WDR27: variants seen among roughly 807,000 people sequenced by gnomAD.
WDR27 encodes the protein WD repeat-containing protein 27.
WDR27 carries 100 observed loss-of-function variants against 114.4 expected under a neutral mutation model. The observed-to-expected ratio is 0.87, with a 90% CI of 0.74 to 1.03. WDR27 has a LOEUF of 1.03. WDR27 is among the 50% of genes least tolerant of loss of function. The probability of loss-of-function intolerance (pLI) is 0.00; values close to 1 mark genes in which losing one functional copy is unlikely to be tolerated. For synonymous variants in WDR27, 449 were observed against 423.1 expected (o/e 1.06, Z -0.75); for missense variants, 1,129 against 1,092.9 (o/e 1.03, Z -0.47).
intron 1 of WDR27, among the ~76,000 whole-genome samples, chr6:169,692,974 G>A (rs1313481150): frequency 2.0e-5 from 3 of 152,178 alleles, no homozygotes; most frequent in African/African-American, 4.8e-5. Context: ...TAACACAGCA[G>A]CTGATATTCT....
intron 25 of WDR27, among the ~76,000 whole-genome samples, chr6:169,520,421 T>C (rs1794225539): frequency 6.6e-6 from 1 of 152,162 alleles, no homozygotes; most frequent in Admixed American, 6.5e-5. Context: ...TAAACATATC[T>C]GATAAAAAAT....
At chr6:169,688,421 A>G (rs1783615752) in intron 2 of WDR27, among the ~76,000 whole-genome samples, 2 of 152,190 alleles carry the variant, frequency 1.3e-5, no homozygotes, top group South Asian at 4.1e-4. Context: ...TTACCTGAAC[A>G]TATTCATTTA....
intron 22 of WDR27, among the ~76,000 whole-genome samples, chr6:169,608,595 C>T (rs1343352909): frequency 6.6e-6 from 1 of 152,184 alleles, no homozygotes; most frequent in African/African-American, 2.4e-5. Flanking sequence ...ATGGGGGAAA[C>T]TGCCCACATG....
At chr6:169,642,485 C>T (rs1374036092) in intron 17 of WDR27, among the ~76,000 whole-genome samples, 1 of 152,170 alleles carries the variant, frequency 6.6e-6, no homozygotes, top group Non-Finnish European at 1.5e-5. Context: ...TCAGGGCTCC[C>T]AGGTGCACTG....
chr6:169,699,799 T>C (rs981550801), intron 1 of WDR27, among the ~76,000 whole-genome samples: 4 of 151,778 alleles, frequency 2.6e-5, no homozygotes, highest in African/African-American at 4.8e-5. Context: ...CTGGGCAACA[T>C]AGTGAGACCC....
At chr6:169,605,108 C>CAAAAAAAAAAAAAAAAAAAAAAAAAA (rs59884264) in intron 22 of WDR27, among the ~76,000 whole-genome samples, 1 of 76,192 alleles carries the variant, frequency 1.3e-5, no homozygotes, top group African/African-American at 5.9e-5. Flanking sequence ...AGCAATTAGG[C>CAAAAAAAAAAAAAAAAAAAAAAAAAA]AAAAAAAAAA....
At chr6:169,578,325 CTTCCAGAAAGTCCTCTTAT>C (rs1229672686) in intron 24 of WDR27, among the ~76,000 whole-genome samples, 1 of 152,218 alleles carries the variant, frequency 6.6e-6, no homozygotes, top group Admixed American at 6.5e-5. Context: ...ACGGGCTTAT[CTTCCAGAAAGTCCTCTTAT>C]GAATGTGAGA....
chr6:169,485,032 A>G (rs1237000468), intron 25 of WDR27, among the ~76,000 whole-genome samples: 1 of 152,222 alleles, frequency 6.6e-6, no homozygotes, highest in Non-Finnish European at 1.5e-5. Flanking sequence ...AAGATGGATT[A>G]AAAACTTAAA....
At chr6:169,564,094 T>C (rs902594688) in intron 25 of WDR27, among the ~76,000 whole-genome samples, 1 of 152,194 alleles carries the variant, frequency 6.6e-6, no homozygotes, top group Non-Finnish European at 1.5e-5. Flanking sequence ...AAGCAAACAA[T>C]GTAGCCTTCA....
chr6:169,551,633 A>G (rs1455772036), intron 25 of WDR27, among the ~76,000 whole-genome samples: 3 of 150,200 alleles, frequency 2.0e-5, no homozygotes, highest in Admixed American at 6.7e-5. Context: ...GCTACTCAGG[A>G]GGCTGAGGCA....
At chr6:169,517,937 G>A (rs7748536) in intron 25 of WDR27, among the ~76,000 whole-genome samples, 2 of 152,012 alleles carry the variant, frequency 1.3e-5, no homozygotes, top group African/African-American at 4.8e-5. Context: ...ACAGATAACA[G>A]AGTTTATCCT....
chr6:169,488,776 A>G (rs1031592121), intron 25 of WDR27, among the ~76,000 whole-genome samples: 2 of 152,176 alleles, frequency 1.3e-5, no homozygotes, highest in African/African-American at 4.8e-5. Context: ...CTCGCAAGCC[A>G]GAGCTCCCAG....
intron 9 of WDR27, among the ~76,000 whole-genome samples, chr6:169,661,658 C>T (rs1826153358): frequency 6.6e-6 from 1 of 152,092 alleles, no homozygotes; most frequent in South Asian, 2.1e-4. Flanking sequence ...GGTCCATGCA[C>T]CCACCGGGAG....
chr6:169,623,046 C>A (rs1281813757), intron 21 of WDR27, among the ~76,000 whole-genome samples: 2 of 152,134 alleles, frequency 1.3e-5, no homozygotes, highest in Non-Finnish European at 2.9e-5. Context: ...AAGATTCTGA[C>A]CACCTCCCCC....
intron 13 of WDR27, among the ~76,000 whole-genome samples, chr6:169,656,002 G>C (rs988368194): frequency 6.6e-6 from 1 of 152,154 alleles, no homozygotes; most frequent in African/African-American, 2.4e-5. Flanking sequence ...GATTACAGGC[G>C]TGAGCCACTG....
intron 22 of WDR27, among the ~76,000 whole-genome samples, chr6:169,612,631 T>TA (rs59134868): frequency 0.7 from 68,219 of 97,208 alleles, 24,766 homozygotes; most frequent in Non-Finnish European, 0.79. Flanking sequence ...CTGTCTAACA[T>TA]AAAAAAAAAA....
At position 169,658,319 on chromosome 6, in the gene WDR27, A is replaced by T. The variant is rs1441178727; in HGVS notation, c.1359T>A (p.Ile453=). 1.2e-6 allele frequency: 2 copies of T among 1,602,364 alleles called. No individual in the cohort carries two copies. The highest frequency in any genetic ancestry group is 2.7e-5 in the African/African-American group (2 of 74,660). The change falls in exon 13 of 26, where the codon ATT becomes ATA. Residue 453 remains isoleucine, a synonymous_variant. Coordinates refer to ENST00000448612, the MANE Select transcript of WDR27 (RefSeq NM_182552.5). The part of the protein sequence containing the change: ...VLPTSPLYLG[I]AKEKSTKAAS... ...CAGCCTTGGTACTCTTCTCCTTGGCAATTCCCAGATACAGTGGAGAGGTCG... is the reference window on the plus strand; with the variant it reads ...CAGCCTTGGTACTCTTCTCCTTGGCTATTCCCAGATACAGTGGAGAGGTCG...
chr6:169,651,355 T>C (rs1397072973), intron 14 of WDR27, among the ~76,000 whole-genome samples: 1 of 151,748 alleles, frequency 6.6e-6, no homozygotes, highest in Non-Finnish European at 1.5e-5. Context: ...AGAGGTGAGG[T>C]AGGAGGCGGG....
chr6:169,436,646 A>T, the WDR27 span, among the ~76,000 whole-genome samples: 1 of 152,114 alleles, frequency 6.6e-6, no homozygotes, highest in African/African-American at 2.4e-5. Flanking sequence ...TGTAAATGAG[A>T]TTTATAAACT....
Sources: gnomAD v4.1 joint callset for allele counts (sites outside exome capture counted in the v4.1 genomes callset) on GRCh38, gnomAD v4.1.1 for gene constraint, MANE v1.5 for transcripts, NCBI Gene and HGNC (gene_info 2026-07-23, HGNC 2026-07-21) for gene names.